Variants in TBC1D15 observed in about 807,000 individuals in gnomAD.
TBC1D15 encodes TBC1 domain family member 15, also known as GAP for RAB7.
In TBC1D15, 39 loss-of-function variants were observed where a neutral mutation model predicts 95.4. The observed-to-expected ratio is 0.41, with a 90% confidence interval of 0.32 to 0.53. TBC1D15 has a LOEUF of 0.53. TBC1D15 is among the 20% of genes least tolerant of loss of function. The pLI is 0.29. For missense variants in TBC1D15, 733 were observed against 794.3 expected, an observed-to-expected ratio of 0.92 and a Z score of 0.93; for synonymous variants, 258 against 261.3, an observed-to-expected ratio of 0.99 and a Z score of 0.12.
At chr12:71,916,562 G>A (rs1592831824) in intron 12 of TBC1D15, among the ~76,000 whole-genome samples, 1 of 152,240 alleles carries the variant, frequency 6.6e-6, no homozygotes, top group South Asian at 2.1e-4. Context: ...AGAATGAATT[G>A]TTTCTAATAT....
chr12:71,872,570 A>G (rs1892920116), intron 2 of TBC1D15, among the ~76,000 whole-genome samples: 2 of 152,144 alleles, frequency 1.3e-5, no homozygotes, highest in African/African-American at 2.4e-5. Flanking sequence ...AGTGAAAAAC[A>G]GTGTTTCTGT....
intron 16 of TBC1D15, 109 bp from the exon 17 acceptor site, chr12:71,922,874 A>T: frequency 9.6e-7 from 1 of 1,037,988 alleles, no homozygotes; most frequent in Non-Finnish European, 1.4e-6. Flanking sequence ...CACTGTTAGG[A>T]CAAATGCTCA....
chr12:71,862,330 G>A (rs565484321), intron 1 of TBC1D15, among the ~76,000 whole-genome samples: 1 of 152,178 alleles, frequency 6.6e-6, no homozygotes, highest in Admixed American at 6.5e-5. Context: ...TTTAGAGCTA[G>A]TATTTTGCTT....
chr12:71,914,823 T>C (rs976778882), intron 12 of TBC1D15, among the ~76,000 whole-genome samples: 1 of 152,072 alleles, frequency 6.6e-6, no homozygotes, highest in African/African-American at 2.4e-5. Flanking sequence ...AATTTGGAAG[T>C]GGTACCCTTC....
At chr12:71,900,698 A>G (rs1899185561) in intron 10 of TBC1D15, among the ~76,000 whole-genome samples, 1 of 152,156 alleles carries the variant, frequency 6.6e-6, no homozygotes, top group African/African-American at 2.4e-5. Context: ...CTGTGGAAGA[A>G]CAGACAGTAA....
intron 1 of TBC1D15, among the ~76,000 whole-genome samples, chr12:71,844,910 T>C (rs1324997514): frequency 4.6e-5 from 7 of 152,194 alleles, no homozygotes; most frequent in African/African-American, 1.7e-4. Context: ...ATTTCCAGCA[T>C]GTGGTTGGTG....
At chr12:71,846,755 C>CTTT (rs10651326) in intron 1 of TBC1D15, among the ~76,000 whole-genome samples, 48 of 111,186 alleles carry the variant, frequency 4.3e-4, no homozygotes, top group Admixed American at 6.2e-4. Flanking sequence ...TTTTATACAG[C>CTTT]TTTTTTTTTT....
intron 4 of TBC1D15, among the ~76,000 whole-genome samples, chr12:71,882,421 C>T (rs1373768662): frequency 6.6e-6 from 1 of 152,130 alleles, no homozygotes; most frequent in African/African-American, 2.4e-5. Flanking sequence ...CTGAACTGTT[C>T]TGCTCTTACA....
chr12:71,852,182 A>G (rs1887996927), intron 1 of TBC1D15, among the ~76,000 whole-genome samples: 1 of 152,114 alleles, frequency 6.6e-6, no homozygotes, highest in Non-Finnish European at 1.5e-5. Flanking sequence ...TGGGCCTCAA[A>G]AGGGCCCAGC....
intron 1 of TBC1D15, among the ~76,000 whole-genome samples, chr12:71,843,167 G>A (rs1055698227): frequency 1.3e-5 from 2 of 152,098 alleles, no homozygotes; most frequent in African/African-American, 2.4e-5. Context: ...TGTAGTCCCA[G>A]GTACTCAGGA....
At chr12:71,843,455 A>G (rs1337251186) in intron 1 of TBC1D15, among the ~76,000 whole-genome samples, 1 of 152,104 alleles carries the variant, frequency 6.6e-6, no homozygotes, top group African/African-American at 2.4e-5. Context: ...TATTCTTAGT[A>G]TCTAGATTTT....
Position 71,923,235 on chromosome 12 carries a change from CTT to C in TBC1D15, c.*33_*34del. ...GTTCTTGCTTTTTTGGGAAGAGACA[CTT>C]TGTTGCAACCCTTTTTCAAGTACTT... On this transcript the variant is annotated 3_prime_UTR_variant, in exon 17 of 17. Transcript: ENST00000485960. 1 of 1,600,936 alleles carries C rather than the reference CTT, an allele frequency of 6.2e-7. No individual in the cohort carries two copies. The highest frequency in any genetic ancestry group is 8.6e-7 in the Non-Finnish European group (1 of 1,169,262).
chr12:71,901,339 T>G (rs531601897), intron 10 of TBC1D15, among the ~76,000 whole-genome samples: 130 of 152,198 alleles, frequency 8.5e-4, no homozygotes, highest in African/African-American at 2.9e-3. Flanking sequence ...CTGTTTTTTT[T>G]GTTTTTGTTT....
intron 1 of TBC1D15, chr12:71,854,689 A>G (rs916672207): frequency 2.2e-6 from 1 of 455,628 alleles, no homozygotes; most frequent in Admixed American, 2.4e-5. Flanking sequence ...CCAGTTTGTA[A>G]TTTGTATTAA....
rs948634041 is a variant in TBC1D15, at chr12:71,904,110, T to C, written c.1184-2912T>C. ...ACTTTAATTTACAAGTAGGAAAAAT[T>C]AGAAGACAGCAGAAGAGACTAAGTA... On this transcript the variant is annotated intron_variant, in intron 10 of 16. Transcript: ENST00000485960. Among the ~76,000 whole-genome samples the C allele has an allele frequency of 2.6e-5, 4 of 152,116 alleles. No individual in the cohort carries two copies. In the East Asian group the frequency reaches 7.7e-4, roughly 29 times the overall value.
At chr12:71,844,616 A>G (rs186655347) in intron 1 of TBC1D15, among the ~76,000 whole-genome samples, 5 of 152,290 alleles carry the variant, frequency 3.3e-5, no homozygotes, top group Admixed American at 3.3e-4. Context: ...GTACAATTAC[A>G]TGTTGTAATT....
At chr12:71,906,070 G>C (rs144537436) in intron 10 of TBC1D15, among the ~76,000 whole-genome samples, 1 of 151,866 alleles carries the variant, frequency 6.6e-6, no homozygotes, top group African/African-American at 2.4e-5. Context: ...ACAGGGTTTC[G>C]CCATGTTGGC....
intron 1 of TBC1D15, 85 bp from the exon 2 acceptor site, chr12:71,871,985 A>G: frequency 3.7e-6 from 2 of 539,142 alleles, no homozygotes; most frequent in Non-Finnish European, 3.0e-6. Context: ...GCCAAGTATG[A>G]TAAGAAAATA....
At chr12:71,849,874 A>G (rs1887325085) in intron 1 of TBC1D15, 3 of 572,168 alleles carry the variant, frequency 5.2e-6, no homozygotes, top group Non-Finnish European at 1.0e-5. Flanking sequence ...TCTATAGAAG[A>G]ATGTTTGGGG....
Sources: allele counts gnomAD v4.1 joint callset (sites outside exome capture counted in the v4.1 genomes callset), GRCh38; gene constraint gnomAD v4.1.1; transcripts MANE v1.5; gene names NCBI Gene and HGNC (gene_info 2026-07-23, HGNC 2026-07-21).